SLC1A2: variants seen among roughly 807,000 people sequenced by gnomAD.
The protein encoded by SLC1A2 is excitatory amino acid transporter 2.
In SLC1A2, 15 loss-of-function variants were observed where a neutral mutation model predicts 48.8. That is an observed-to-expected ratio of 0.31 (90% confidence interval 0.21 to 0.47). The LOEUF is 0.47. Among genes scored for constraint, SLC1A2 ranks in the 20% least tolerant of loss-of-function variants. The pLI is 0.99. For missense variants in SLC1A2, 502 were observed against 730.5 expected (o/e 0.69, Z 3.61); for synonymous variants, 279 against 272.6 (o/e 1.02, Z -0.23).
chr11:35,381,238 G>A (rs1296161184), intron 1 of SLC1A2, among the ~76,000 whole-genome samples: 2 of 152,118 alleles, frequency 1.3e-5, no homozygotes, highest in African/African-American at 4.8e-5. Flanking sequence ...CTTTCCTACA[G>A]TGGTCAGCCC....
intron 1 of SLC1A2, among the ~76,000 whole-genome samples, chr11:35,358,725 G>C (rs1448498712): frequency 6.6e-6 from 1 of 152,072 alleles, no homozygotes; most frequent in Non-Finnish European, 1.5e-5. Context: ...CCCACTTCTG[G>C]TAAACCCTAA....
rs1455244327 is a variant in SLC1A2 at position 35,419,001 on chromosome 11, C to G, written c.-35G>C. The G allele has an allele frequency of 7.1e-6, 11 of 1,550,750 alleles. No individual in the cohort carries two copies. The highest frequency in any genetic ancestry group is 9.6e-6 in the Non-Finnish European group (11 of 1,145,598). ...AACGCCCCCTCCTCTTCAGCACTAT[C>G]CGGCAGCTGTGGGCGAGGGAGAAAG... On this transcript the variant is annotated 5_prime_UTR_variant, in exon 1 of 11. Coordinates refer to ENST00000278379, the MANE Select transcript of SLC1A2 (RefSeq NM_004171.4). This position sits in a 1 kb window ranked among gnomAD's most constrained non-coding sequence, Gnocchi z 5.4.
intron 9 of SLC1A2, among the ~76,000 whole-genome samples, 185 bp from the exon 10 acceptor site, chr11:35,265,943 T>G (rs1950476000): frequency 6.6e-6 from 1 of 152,230 alleles, no homozygotes; most frequent in Non-Finnish European, 1.5e-5. Flanking sequence ...TTGGAGGTGA[T>G]GCTTATACTT....
chr11:35,267,332 C>G (rs902553592), intron 9 of SLC1A2, among the ~76,000 whole-genome samples: 1 of 152,026 alleles, frequency 6.6e-6, no homozygotes, highest in African/African-American at 2.4e-5. Flanking sequence ...TTAGTTGCCT[C>G]GTTTATAAAA....
intron 1 of SLC1A2, among the ~76,000 whole-genome samples, chr11:35,394,525 A>G (rs1854892588): frequency 1.3e-5 from 2 of 152,236 alleles, no homozygotes; most frequent in African/African-American, 4.8e-5. Context: ...GCCTTTAGAA[A>G]AACGACCAAA....
At chr11:35,408,219 A>G (rs560118093) in intron 1 of SLC1A2, among the ~76,000 whole-genome samples, 1 of 152,186 alleles carries the variant, frequency 6.6e-6, no homozygotes, top group East Asian at 1.9e-4. Context: ...TCATTTCTAT[A>G]CCTTAATTCA....
chr11:35,270,372 GGCATACATGA>G (rs1222072144), intron 9 of SLC1A2, among the ~76,000 whole-genome samples: 1 of 152,132 alleles, frequency 6.6e-6, no homozygotes, highest in African/African-American at 2.4e-5. Context: ...GTAGGTTACA[GGCATACATGA>G]GCAAGAAAAT....
chr11:35,353,518 G>A (rs1305489581), intron 1 of SLC1A2, among the ~76,000 whole-genome samples: 1 of 152,164 alleles, frequency 6.6e-6, no homozygotes, highest in Non-Finnish European at 1.5e-5. Context: ...TTTCCTCACT[G>A]CTAAATCACC....
chr11:35,341,976 C>G (rs1852856136), intron 1 of SLC1A2, among the ~76,000 whole-genome samples: 1 of 152,004 alleles, frequency 6.6e-6, no homozygotes. Flanking sequence ...GGAAAAATAT[C>G]TAAGATGTAT....
At chr11:35,395,853 AGT>A (rs1854940988) in intron 1 of SLC1A2, among the ~76,000 whole-genome samples, 1 of 111,912 alleles carries the variant, frequency 8.9e-6, no homozygotes, top group South Asian at 3.3e-4. Context: ...CAGTCCCCAG[AGT>A]GTGATATTCC....
intron 1 of SLC1A2, among the ~76,000 whole-genome samples, chr11:35,379,470 G>C (rs1304005213): frequency 2.0e-5 from 3 of 152,128 alleles, no homozygotes; most frequent in Non-Finnish European, 4.4e-5. Flanking sequence ...CACCCACAAA[G>C]AACATGGCAC....
intron 1 of SLC1A2, chr11:35,380,616 C>G (rs892341579): frequency 4.1e-5 from 16 of 390,932 alleles, no homozygotes; most frequent in Non-Finnish European, 7.2e-5. Context: ...TCTGTTCCAT[C>G]AGGAACCCCT....
chr11:35,309,832 C>T (rs982772440), intron 4 of SLC1A2, among the ~76,000 whole-genome samples: 3 of 152,190 alleles, frequency 2.0e-5, no homozygotes, highest in African/African-American at 7.2e-5. Context: ...CATCCTCTCC[C>T]TGAGGTGGAT....
At chr11:35,399,585 T>C (rs1855077980) in intron 1 of SLC1A2, 9 of 983,848 alleles carry the variant, frequency 9.1e-6, no homozygotes, top group Non-Finnish European at 4.8e-6. Context: ...CTGGTAATCA[T>C]GATGCCTGCA....
At chr11:35,347,415 A>C (rs1853079464) in intron 1 of SLC1A2, among the ~76,000 whole-genome samples, 1 of 152,238 alleles carries the variant, frequency 6.6e-6, no homozygotes, top group Non-Finnish European at 1.5e-5. Context: ...CAGAAAAAGG[A>C]TCACAAGCAG....
intron 1 of SLC1A2, among the ~76,000 whole-genome samples, chr11:35,359,824 T>A (rs1853612955): frequency 6.6e-6 from 1 of 152,230 alleles, no homozygotes; most frequent in South Asian, 2.1e-4. Flanking sequence ...GCCTCAATGT[T>A]CCTAAGGAAG....
At chr11:35,360,626 G>A (rs929590635) in intron 1 of SLC1A2, among the ~76,000 whole-genome samples, 1 of 152,174 alleles carries the variant, frequency 6.6e-6, no homozygotes, top group African/African-American at 2.4e-5. Context: ...CCCAGCTTCT[G>A]ATCTTTTCTT....
At chr11:35,380,352 T>C in intron 1 of SLC1A2, 1 of 398,642 alleles carries the variant, frequency 2.5e-6, no homozygotes, top group East Asian at 3.6e-5. Context: ...ATAAGCCAGG[T>C]TGTAGCCCTG....
intron 1 of SLC1A2, among the ~76,000 whole-genome samples, chr11:35,358,051 A>G (rs964875707): frequency 6.6e-6 from 1 of 151,912 alleles, no homozygotes; most frequent in Non-Finnish European, 1.5e-5. Context: ...AGGCTAAGGC[A>G]GTAGAATCGC....
Sources: allele counts gnomAD v4.1 joint callset (sites outside exome capture counted in the v4.1 genomes callset), GRCh38; gene constraint gnomAD v4.1.1; non-coding constraint Gnocchi (gnomAD v3.1); transcripts MANE v1.5; gene names NCBI Gene and HGNC (gene_info 2026-07-23, HGNC 2026-07-21).